Variants in BCAS3 observed in about 807,000 individuals in gnomAD.
BCAS3 encodes the protein BCAS3 microtubule associated cell migration factor, also known as BCAS4/BCAS3 fusion.
A neutral mutation model predicts 116.1 loss-of-function variants in BCAS3; 53 were observed. The observed-to-expected ratio is 0.46, with a 90% CI of 0.37 to 0.57. The LOEUF is 0.57. Among genes scored for constraint, BCAS3 ranks in the 20% least tolerant of loss-of-function variants. The pLI, the probability that BCAS3 is intolerant of heterozygous loss-of-function variation, is 0.00. For missense variants in BCAS3, 917 were observed against 1,165.4 expected, an observed-to-expected ratio of 0.79 and a Z score of 3.10; for synonymous variants, 391 against 408.2, an observed-to-expected ratio of 0.96 and a Z score of 0.51.
chr17:61,141,709 C>G lies in BCAS3; in HGVS notation c.2425+57145C>G, dbSNP rs537785837. Among the ~76,000 whole-genome samples, 1 of 151,562 alleles carries G rather than the reference C, an allele frequency of 6.6e-6. No individual in the cohort carries two copies. Among genetic ancestry groups the G allele is most frequent in the Non-Finnish European group, 1.5e-5 (1 of 67,884 alleles). On this transcript the variant is annotated intron_variant, in intron 22 of 23. Coordinates refer to ENST00000407086, the MANE Select transcript of BCAS3 (RefSeq NM_017679.5). This position sits in a 1 kb window ranked among gnomAD's most constrained non-coding sequence, Gnocchi z 4.3. ...CGAGGTCAAGAGATCAAGACCATCC[C>G]GGCCAACATGATGAAACCCCACCTC...
intron 6 of BCAS3, among the ~76,000 whole-genome samples, chr17:60,752,757 A>G (rs1341738980): frequency 6.6e-6 from 1 of 151,868 alleles, no homozygotes; most frequent in Non-Finnish European, 1.5e-5. Context: ...TGAGAATCCC[A>G]TTTCTCCTTA....
intron 19 of BCAS3, among the ~76,000 whole-genome samples, chr17:61,072,949 C>T (rs1034548573): frequency 2.6e-5 from 4 of 152,164 alleles, no homozygotes; most frequent in African/African-American, 7.2e-5. Flanking sequence ...CCAGCCTCTA[C>T]ATATTTTCCA....
rs1276554361 is a variant in BCAS3 at position 61,278,357 on chromosome 17, G to T, written c.2426-89970G>T. 6.6e-6 allele frequency among the ~76,000 whole-genome samples: 1 copy of T among 151,984 alleles called. No individual in the cohort carries two copies. Among genetic ancestry groups the T allele is most frequent in the African/African-American group, 2.4e-5 (1 of 41,368 alleles). ...TTCCCAGATAATTTTTGTGTTTTTT[G>T]TAGAGACAGGGTTTCGCCATGTTCC... On this transcript the variant is annotated intron_variant, in intron 22 of 23. Transcript: ENST00000407086. The surrounding 1 kb of genome is among the most constrained non-coding windows in gnomAD (Gnocchi z 5.8).
At chr17:61,192,263 G>A (rs116807998) in intron 22 of BCAS3, among the ~76,000 whole-genome samples, 5,765 of 58,562 alleles carry the variant, frequency 0.098, 21 homozygotes, top group South Asian at 0.16. Context: ...AAAAAAAAAA[G>A]AAACATAGAG....
intron 6 of BCAS3, among the ~76,000 whole-genome samples, chr17:60,793,511 G>A (rs930734386): frequency 1.3e-5 from 2 of 152,116 alleles, no homozygotes; most frequent in African/African-American, 4.8e-5. Context: ...CACCTGAGCA[G>A]TATACACTAC....
rs1266159920 is a variant in BCAS3 at position 61,205,509 on chromosome 17, G to C, written c.2425+120945G>C. Among the ~76,000 whole-genome samples, 1 of 152,188 alleles carries C rather than the reference G, an allele frequency of 6.6e-6. No individual in the cohort carries two copies. Among genetic ancestry groups the C allele is most frequent in the Non-Finnish European group, 1.5e-5 (1 of 68,036 alleles). ...CTTAGGTGATCCTGTGTGACATTCA[G>C]GAACTATTGCAGACTTCCAGGACTC... On this transcript the variant is annotated intron_variant, in intron 22 of 23. Transcript: ENST00000407086. The surrounding 1 kb of genome is among the most constrained non-coding windows in gnomAD (Gnocchi z 5.2).
intron 14 of BCAS3, among the ~76,000 whole-genome samples, chr17:60,983,455 A>G (rs533067468): frequency 1.3e-4 from 20 of 152,210 alleles, no homozygotes; most frequent in African/African-American, 4.3e-4. Flanking sequence ...TATTTAAAGG[A>G]TTAAACTTTC....
intron 22 of BCAS3, among the ~76,000 whole-genome samples, chr17:61,148,996 T>C (rs2077395826): frequency 6.6e-6 from 1 of 152,232 alleles, no homozygotes; most frequent in Admixed American, 6.5e-5. Context: ...ACAAAAGCTC[T>C]GTTGACTTTG....
chr17:61,329,358 T>TTTTA (rs2056037011), intron 22 of BCAS3, among the ~76,000 whole-genome samples: 1 of 149,612 alleles, frequency 6.7e-6, no homozygotes, highest in Non-Finnish European at 1.5e-5. Context: ...TTTTTTTTTT[T>TTTTA]GAGACGGAGT....
At chr17:61,149,616 A>T (rs2077438047) in intron 22 of BCAS3, among the ~76,000 whole-genome samples, 1 of 152,212 alleles carries the variant, frequency 6.6e-6, no homozygotes, top group Admixed American at 6.5e-5. Context: ...GGTCAAATGT[A>T]TCAAATCCTT....
At position 61,211,359 on chromosome 17, in the gene BCAS3, A is replaced by T. The variant is rs2081448915; in HGVS notation, c.2425+126795A>T. On this transcript the variant is annotated intron_variant, in intron 22 of 23. Coordinates refer to ENST00000407086, the MANE Select transcript of BCAS3 (RefSeq NM_017679.5). The surrounding 1 kb of genome is among the most constrained non-coding windows in gnomAD (Gnocchi z 4.4). ...ACATCCAGAGACTCCAGCCTCTTTG[A>T]CAGTCATTCTCCCACTGTGTCCCTT... Among the ~76,000 whole-genome samples the T allele has an allele frequency of 6.6e-6, 1 of 152,180 alleles. No homozygotes were observed. The highest frequency in any genetic ancestry group is 2.1e-4 in the South Asian group (1 of 4,832).
At chr17:61,061,072 T>G (rs949538393) in intron 19 of BCAS3, among the ~76,000 whole-genome samples, 7 of 152,206 alleles carry the variant, frequency 4.6e-5, no homozygotes, top group African/African-American at 1.7e-4. Flanking sequence ...TTCTGATTAA[T>G]TTAGAGTTAA....
At chr17:61,359,955 T>A (rs4968554) in intron 22 of BCAS3, among the ~76,000 whole-genome samples, 132,642 of 151,588 alleles carry the variant, frequency 0.88, 58,874 homozygotes, top group East Asian at 1. Flanking sequence ...TTTGGTCTGG[T>A]GTGTGGGGCC....
In BCAS3 at chr17:61,354,944, C is replaced by A. The variant is rs1026041076; in HGVS notation, c.2426-13383C>A. ...AGGTGGACTCCTCCTTTCCTTTCCC[C>A]GCAGCTACTGTCCCAGGGCCTTAGA... On this transcript the variant is annotated intron_variant, in intron 22 of 23. Transcript: ENST00000407086. The surrounding 1 kb of genome is among the most constrained non-coding windows in gnomAD (Gnocchi z 4.5). The A allele has an allele frequency of 2.0e-5, 3 of 152,286 alleles. No individual in the cohort carries two copies. Among genetic ancestry groups the A allele is most frequent in the Non-Finnish European group, 4.4e-5 (3 of 68,120 alleles). 9.4% of individuals were successfully genotyped at this position (152,286 alleles called of 1,614,324 possible). A position where few individuals can be genotyped will look rare whatever the true frequency, so the allele number is the denominator to read the frequency against.
intron 6 of BCAS3, among the ~76,000 whole-genome samples, chr17:60,773,536 G>A (rs1426566770): frequency 6.6e-6 from 1 of 151,992 alleles, no homozygotes; most frequent in African/African-American, 2.4e-5. Context: ...CAAACCATCT[G>A]CCTATCTCAG....
intron 13 of BCAS3, among the ~76,000 whole-genome samples, chr17:60,928,272 C>T (rs778659525): frequency 2.6e-5 from 4 of 152,062 alleles, no homozygotes; most frequent in Non-Finnish European, 4.4e-5. Context: ...GATAGTTCTT[C>T]AAAAGGAAAT....
Position 61,387,350 on chromosome 17 carries a change from G to A in BCAS3, c.2594-4627G>A, listed in dbSNP as rs1178999430. On this transcript the variant is annotated intron_variant, in intron 23 of 23. Coordinates refer to ENST00000407086, the MANE Select transcript of BCAS3 (RefSeq NM_017679.5). This position sits in a 1 kb window ranked among gnomAD's most constrained non-coding sequence, Gnocchi z 6.2. Reference sequence around the variant, plus strand: ...GACCCCACCCCACCCCATCTCCCTGGGCACACGCTCCCAAGTGACCAGGGT... The same window carrying A: ...GACCCCACCCCACCCCATCTCCCTGAGCACACGCTCCCAAGTGACCAGGGT... Among the ~76,000 whole-genome samples the A allele has an allele frequency of 6.6e-6, 1 of 152,098 alleles. No individual in the cohort carries two copies. Among genetic ancestry groups the A allele is most frequent in the Non-Finnish European group, 1.5e-5 (1 of 68,016 alleles).
At chr17:60,736,784 A>G (rs2041013730) in intron 5 of BCAS3, among the ~76,000 whole-genome samples, 1 of 152,074 alleles carries the variant, frequency 6.6e-6, no homozygotes. Flanking sequence ...CATTTCATCT[A>G]GGTTATCAAA....
chr17:61,079,483 A>G (rs1327157435), intron 21 of BCAS3, among the ~76,000 whole-genome samples: 1 of 152,236 alleles, frequency 6.6e-6, no homozygotes, highest in Non-Finnish European at 1.5e-5. Flanking sequence ...GTGCCAGGAG[A>G]TAAGCCTAGA....
Sources: allele counts gnomAD v4.1 joint callset (sites outside exome capture counted in the v4.1 genomes callset), GRCh38; gene constraint gnomAD v4.1.1; non-coding constraint Gnocchi (gnomAD v3.1); transcripts MANE v1.5; gene names NCBI Gene and HGNC (gene_info 2026-07-23, HGNC 2026-07-21).